CPD: variants seen among roughly 807,000 people sequenced by gnomAD.
CPD encodes the protein carboxypeptidase D.
In CPD, 69 loss-of-function variants were observed where a neutral mutation model predicts 138.3. That is an observed-to-expected ratio of 0.50 (90% confidence interval 0.41 to 0.61). The LOEUF (loss-of-function observed/expected upper bound fraction) is 0.61. Among genes scored for constraint, CPD ranks in the 20% least tolerant of loss-of-function variants. CPD has a pLI of 0.00. For synonymous variants in CPD, 651 were observed against 642.1 expected, an observed-to-expected ratio of 1.01 and a Z score of -0.21; for missense variants, 1,432 against 1,733.3, an observed-to-expected ratio of 0.83 and a Z score of 3.09.
intron 1 of CPD, among the ~76,000 whole-genome samples, chr17:30,382,683 G>A (rs901279450): frequency 6.6e-6 from 1 of 152,208 alleles, no homozygotes; most frequent in African/African-American, 2.4e-5. Flanking sequence ...TCTGAGAAGT[G>A]TTGGAAGAAA....
chr17:30,432,763 A>T (rs1180733898), intron 8 of CPD, among the ~76,000 whole-genome samples: 1 of 151,970 alleles, frequency 6.6e-6, no homozygotes, highest in Non-Finnish European at 1.5e-5. Context: ...AAAAAATAAA[A>T]AAAAAATTAG....
chr17:30,456,294 T>C lies in CPD; in HGVS notation c.3376T>C (p.Tyr1126His). The change falls in exon 16 of 21, where the codon TAT (tyrosine) becomes CAT (histidine). Residue 1126 changes from tyrosine (Y) to histidine (H), a missense_variant. Coordinates refer to ENST00000225719, the MANE Select transcript of CPD (RefSeq NM_001304.5). The stretch of plus-strand genomic sequence containing the variant: ...GACTCTGAAGCATTTGGCATCTCTT[T>C]ATGCAAATAATCATCCATCCATGCA... ...KETLKHLASL[Y>H]ANNHPSMHMG... The C allele has an allele frequency of 6.2e-7, 1 of 1,614,226 alleles. No individual in the cohort carries two copies. Among genetic ancestry groups the C allele is most frequent in the Non-Finnish European group, 8.5e-7 (1 of 1,180,032 alleles).
At position 30,443,977 on chromosome 17, in the gene CPD, T is replaced by C; in HGVS notation, c.2543+6T>C. On this transcript the variant is annotated splice_donor_region_variant and intron_variant, in intron 11 of 20. Transcript: ENST00000225719. ...ATCACAGCATCTGCTCGAGGGTGAGTGACTGAATGCTTTGAAATAGAGTGC... is the reference window on the plus strand; with the variant it reads ...ATCACAGCATCTGCTCGAGGGTGAGCGACTGAATGCTTTGAAATAGAGTGC... 1 of 1,613,270 alleles carries C rather than the reference T, an allele frequency of 6.2e-7. No individual in the cohort carries two copies. The highest frequency in any genetic ancestry group is 2.2e-5 in the East Asian group (1 of 44,854).
At chr17:30,396,270 A>G (rs1371346359) in intron 2 of CPD, among the ~76,000 whole-genome samples, 1 of 152,150 alleles carries the variant, frequency 6.6e-6, no homozygotes, top group Non-Finnish European at 1.5e-5. Context: ...AGACTTTAAA[A>G]TGCTTTTCCT....
intron 2 of CPD, among the ~76,000 whole-genome samples, chr17:30,412,540 C>T (rs945768146): frequency 6.6e-6 from 1 of 152,132 alleles, no homozygotes; most frequent in Non-Finnish European, 1.5e-5. Context: ...CTGCCTAGTT[C>T]GAGCTTCCCA....
chr17:30,462,252 A>G (rs1913496463), intron 19 of CPD, 118 bp from the exon 20 acceptor site: 1 of 1,049,404 alleles, frequency 9.5e-7, no homozygotes, highest in Non-Finnish European at 1.4e-6. Context: ...AGCATTTTGT[A>G]TACTTTAGAT....
rs1913666345 is a variant in CPD at position 30,467,208 on chromosome 17, T to C, written c.*2394T>C. ...TTGGAGTTATGGCGGCAAGTAAGTATCATAGTATTAAGAAATTTGCCTAAA... is the reference window on the plus strand; with the variant it reads ...TTGGAGTTATGGCGGCAAGTAAGTACCATAGTATTAAGAAATTTGCCTAAA... On this transcript the variant is annotated 3_prime_UTR_variant, in exon 21 of 21. Transcript: ENST00000225719. The C allele has an allele frequency of 6.6e-6, 1 of 152,584 alleles. No individual in the cohort carries two copies. Among genetic ancestry groups the C allele is most frequent in the South Asian group, 2.1e-4 (1 of 4,830 alleles). The allele number at this position is 152,584 out of a possible 1,614,324, so 9.5% of individuals were successfully genotyped here.
intron 13 of CPD, among the ~76,000 whole-genome samples, chr17:30,451,342 G>C (rs988224511): frequency 6.6e-6 from 1 of 152,092 alleles, no homozygotes; most frequent in African/African-American, 2.4e-5. Flanking sequence ...TCTGTGTTGC[G>C]AACTTACTCA....
chr17:30,456,500 T>C lies in CPD; in HGVS notation c.3472T>C (p.Trp1158Arg), dbSNP rs756181315. 4 of 1,614,160 alleles carry C rather than the reference T, an allele frequency of 2.5e-6. No individual in the cohort carries two copies. Among genetic ancestry groups the C allele is most frequent in the Non-Finnish European group, 2.5e-6 (3 of 1,180,008 alleles). The change falls in exon 17 of 21, where the codon TGG (tryptophan) becomes CGG (arginine). Residue 1158 changes from tryptophan (W) to arginine (R), a missense_variant. Coordinates refer to ENST00000225719, the MANE Select transcript of CPD (RefSeq NM_001304.5). ...AGGAGGAGTAATGCGTGGAGCAGAA[T>C]GGCATAGTCACCTGGGCAGCATGAA... ...IPGGVMRGAE[W>R]HSHLGSMKDY... is the part of the protein sequence containing the mutation.
At chr17:30,442,871 TG>T (rs1344122567) in intron 10 of CPD, among the ~76,000 whole-genome samples, 1 of 152,156 alleles carries the variant, frequency 6.6e-6, no homozygotes, top group African/African-American at 2.4e-5. Context: ...TCCTTTTGTT[TG>T]GATATGTGTG....
In CPD at chr17:30,462,068, A is replaced by G. The variant is rs1171398658; in HGVS notation, c.3816+6A>G. The G allele has an allele frequency of 6.2e-7, 1 of 1,601,276 alleles. No individual in the cohort carries two copies. Among genetic ancestry groups the G allele is most frequent in the African/African-American group, 1.3e-5 (1 of 74,094 alleles). On this transcript the variant is annotated splice_donor_region_variant and intron_variant, in intron 19 of 20. Transcript: ENST00000225719. ...ACCAGCAACAACATTCACAGGTAAG[A>G]AACTCAAATTGAGTAGCATCATGTA... is the stretch of plus-strand genomic sequence containing the variant.
chr17:30,420,739 G>T (rs895996249), intron 2 of CPD, 102 bp from the exon 3 acceptor site: 4 of 1,095,336 alleles, frequency 3.7e-6, no homozygotes, highest in Admixed American at 2.5e-5. Context: ...GAAAAGAAAA[G>T]AAAATTTATA....
intron 2 of CPD, among the ~76,000 whole-genome samples, chr17:30,418,336 A>T (rs1912173259): frequency 6.6e-6 from 1 of 152,132 alleles, no homozygotes; most frequent in Non-Finnish European, 1.5e-5. Flanking sequence ...ATGTGCCACC[A>T]TGCCCAGCTA....
At chr17:30,443,998 A>G in intron 11 of CPD, 27 bp downstream of exon 11, 1 of 1,610,226 alleles carries the variant, frequency 6.2e-7, no homozygotes, top group South Asian at 1.1e-5. Flanking sequence ...TTTGAAATAG[A>G]GTGCTCGGAG....
At chr17:30,452,458 G>C (rs1436872411) in intron 14 of CPD, among the ~76,000 whole-genome samples, 1 of 151,056 alleles carries the variant, frequency 6.6e-6, no homozygotes, top group Admixed American at 6.6e-5. Flanking sequence ...TTTTAGTAGA[G>C]ATGGGGTTTT....
chr17:30,428,202 G>T (rs1365897992), intron 7 of CPD, among the ~76,000 whole-genome samples: 1 of 152,144 alleles, frequency 6.6e-6, no homozygotes, highest in Admixed American at 6.5e-5. Context: ...AATTTAGCAG[G>T]ATGGATCGGT....
intron 2 of CPD, among the ~76,000 whole-genome samples, chr17:30,407,977 T>A (rs1416465486): frequency 1.3e-5 from 2 of 152,200 alleles, no homozygotes; most frequent in Non-Finnish European, 2.9e-5. Flanking sequence ...TTAAAACATC[T>A]TGAGTTAATT....
In CPD at chr17:30,427,560, T is replaced by TA. The variant is rs1912452812; in HGVS notation, c.2017+3dup. 1 of 1,612,938 alleles carries TA rather than the reference T, an allele frequency of 6.2e-7. No homozygotes were observed. ...TACTTTCAGCAAACCTGCATGGAGG[T>TA]ATGGCAACTTTATATTCTACTAATC... On this transcript the variant is annotated splice_region_variant and intron_variant, in intron 7 of 20. Transcript: ENST00000225719.
At chr17:30,397,737 CAAAAAAAA>C (rs71138885) in intron 2 of CPD, among the ~76,000 whole-genome samples, 16 of 31,880 alleles carry the variant, frequency 5.0e-4, no homozygotes, top group Admixed American at 1.2e-3. Context: ...ACTCCTGTCT[CAAAAAAAA>C]AAAAAAAAAA....
Sources: allele counts gnomAD v4.1 joint callset (sites outside exome capture counted in the v4.1 genomes callset), GRCh38; gene constraint gnomAD v4.1.1; transcripts MANE v1.5; gene names NCBI Gene and HGNC (gene_info 2026-07-23, HGNC 2026-07-21).